CPA6: variants seen among roughly 807,000 people sequenced by gnomAD.
The protein encoded by CPA6 is carboxypeptidase B.
A neutral mutation model predicts 63.3 loss-of-function variants in CPA6; 58 were observed. The observed-to-expected ratio is 0.92, with a 90% CI of 0.74 to 1.14. The LOEUF (loss-of-function observed/expected upper bound fraction) is 1.14, where lower values mean the gene tolerates loss of function less well. Ranked by LOEUF, CPA6 falls within the 50% of genes most tolerant of loss-of-function variation. The probability of loss-of-function intolerance (pLI) is 0.00; values close to 1 mark genes in which losing one functional copy is unlikely to be tolerated. For missense variants in CPA6, 565 were observed against 526.6 expected (o/e 1.07, Z -0.71); for synonymous variants, 185 against 179.0 (o/e 1.03, Z -0.27).
chr8:67,650,483 G>A (rs1272950686), intron 1 of CPA6, among the ~76,000 whole-genome samples: 1 of 152,048 alleles, frequency 6.6e-6, no homozygotes, highest in Non-Finnish European at 1.5e-5. Flanking sequence ...CACTGTCAAG[G>A]AGGAGGAGGT....
At chr8:67,739,181 CCATA>C (rs1563415621) in intron 1 of CPA6, among the ~76,000 whole-genome samples, 1 of 152,114 alleles carries the variant, frequency 6.6e-6, no homozygotes, top group Non-Finnish European at 1.5e-5. Context: ...GTGCTGACCC[CCATA>C]CAGTCTGCCT....
At position 67,578,226 on chromosome 8, in the gene CPA6, G is replaced by A. The variant is rs577350076; in HGVS notation, c.192+45950C>T. 3.3e-5 allele frequency among the ~76,000 whole-genome samples: 5 copies of A among 152,262 alleles called. No individual in the cohort carries two copies. The East Asian group carries it at 9.6e-4, about 29-fold the overall frequency. ...ATTAAGCTGATGGCGGGTTTAGAAG[G>A]ACACCACTTTTCTGTTCTGCATTTC... is the stretch of plus-strand genomic sequence containing the variant. On this transcript the variant is annotated intron_variant, in intron 2 of 10. Transcript: ENST00000297770.
chr8:67,685,227 G>T (rs1816686442), intron 1 of CPA6, among the ~76,000 whole-genome samples: 1 of 152,162 alleles, frequency 6.6e-6, no homozygotes, highest in Admixed American at 6.5e-5. Flanking sequence ...AACTCTAAGA[G>T]AATTATTTTC....
In CPA6 at chr8:67,709,834, G is replaced by A. The variant is rs1011616250; in HGVS notation, c.116+36180C>T. Among the ~76,000 whole-genome samples, 8 of 152,290 alleles carry A rather than the reference G, an allele frequency of 5.3e-5. No individual in the cohort carries two copies. In the South Asian group the frequency reaches 6.2e-4, roughly 12 times the overall value. ...GGTGGATTAAAAGATTTTCTGGCTC[G>A]GTGTGGTGGCTCACGCCTGTAATCC... On this transcript the variant is annotated intron_variant, in intron 1 of 10. Transcript: ENST00000297770.
At chr8:67,654,252 G>T (rs1206638993) in intron 1 of CPA6, among the ~76,000 whole-genome samples, 1 of 152,184 alleles carries the variant, frequency 6.6e-6, no homozygotes, top group Non-Finnish European at 1.5e-5. Context: ...GATGATGCTG[G>T]CCTCATAAAA....
chr8:67,634,211 TTA>T (rs371782130), intron 1 of CPA6, among the ~76,000 whole-genome samples: 3 of 141,718 alleles, frequency 2.1e-5, no homozygotes, highest in African/African-American at 8.0e-5. Flanking sequence ...ATTATTATTA[TTA>T]TTATTATTTA....
chr8:67,575,767 A>G (rs1026275682), intron 2 of CPA6, among the ~76,000 whole-genome samples: 2 of 151,782 alleles, frequency 1.3e-5, no homozygotes, highest in South Asian at 4.2e-4. Context: ...CTGAGGCAGG[A>G]GAATTGCTTG....
intron 2 of CPA6, among the ~76,000 whole-genome samples, chr8:67,556,275 G>A (rs1031838981): frequency 6.6e-6 from 1 of 151,808 alleles, no homozygotes; most frequent in Non-Finnish European, 1.5e-5. Flanking sequence ...ACTGGTCTTG[G>A]GGCTGGAGTC....
rs567224229 is a variant in CPA6 at position 67,695,166 on chromosome 8, A to C, written c.116+50848T>G. 2.6e-5 allele frequency among the ~76,000 whole-genome samples: 4 copies of C among 152,278 alleles called. No homozygotes were observed. In the South Asian group the frequency reaches 8.3e-4, roughly 32 times the overall value. On this transcript the variant is annotated intron_variant, in intron 1 of 10. Transcript: ENST00000297770. ...ATCATCCATTCATTAGATGCCACTC[A>C]GTCTCTTTCCCTAGCCACTCCTATT...
chr8:67,492,789 A>C (rs976792626), intron 6 of CPA6, among the ~76,000 whole-genome samples: 5 of 152,212 alleles, frequency 3.3e-5, no homozygotes, highest in African/African-American at 1.2e-4. Context: ...GTAGCGGAGT[A>C]CAACTAATGC....
chr8:67,608,532 C>A (rs1814725828), intron 2 of CPA6, among the ~76,000 whole-genome samples: 1 of 152,202 alleles, frequency 6.6e-6, no homozygotes, highest in South Asian at 2.1e-4. Flanking sequence ...TCAATTCCTG[C>A]ATTCACCATC....
At chr8:67,740,083 T>A (rs2623837) in intron 1 of CPA6, among the ~76,000 whole-genome samples, 100,231 of 152,084 alleles carry the variant, frequency 0.66, 35,337 homozygotes, top group Non-Finnish European at 0.77. Context: ...ATGCAAACAT[T>A]GTGAAGAATA....
At chr8:67,732,732 G>A (rs1422275643) in intron 1 of CPA6, 1 of 152,402 alleles carries the variant, frequency 6.6e-6, no homozygotes, top group Non-Finnish European at 1.5e-5. Context: ...ATAGACAAAG[G>A]ACAGAGAACG....
At chr8:67,590,449 C>G (rs1814087236) in intron 2 of CPA6, among the ~76,000 whole-genome samples, 1 of 151,294 alleles carries the variant, frequency 6.6e-6, no homozygotes, top group Non-Finnish European at 1.5e-5. Context: ...GTTCTAGATC[C>G]CTGAGGAATC....
At chr8:67,563,304 A>G (rs1813258746) in intron 2 of CPA6, among the ~76,000 whole-genome samples, 1 of 152,214 alleles carries the variant, frequency 6.6e-6, no homozygotes, top group African/African-American at 2.4e-5. Flanking sequence ...GTTGCATTTG[A>G]CTGATGGTTC....
intron 1 of CPA6, among the ~76,000 whole-genome samples, chr8:67,712,298 G>C (rs570479565): frequency 6.6e-6 from 1 of 152,292 alleles, no homozygotes; most frequent in Non-Finnish European, 1.5e-5. Context: ...AGATCAATTT[G>C]TGGATATATG....
chr8:67,621,563 A>G (rs1815083500), intron 2 of CPA6, among the ~76,000 whole-genome samples: 1 of 152,218 alleles, frequency 6.6e-6, no homozygotes, highest in African/African-American at 2.4e-5. Context: ...GGCTTGGGCA[A>G]GTTACTTAAC....
In CPA6 at chr8:67,467,777, C is replaced by A. The variant is rs144412973; in HGVS notation, c.838+15991G>T. Among the ~76,000 whole-genome samples the A allele has an allele frequency of 1.0e-3, 157 of 150,664 alleles. 1 individual carries two copies. The highest frequency in any genetic ancestry group is 3.2e-3 in the African/African-American group (129 of 40,848). On this transcript the variant is annotated intron_variant, in intron 8 of 10. Transcript: ENST00000297770. ...CAGGACTTCTGGAGGCCGAGGGGGG[C>A]AAATCACTTGAGGTCAAGAATTCGA...
At chr8:67,543,976 T>C (rs1587542036) in intron 2 of CPA6, among the ~76,000 whole-genome samples, 1 of 152,062 alleles carries the variant, frequency 6.6e-6, no homozygotes, top group East Asian at 1.9e-4. Context: ...CTTGTAGAGA[T>C]AGAGTCTTTC....
Sources: gnomAD v4.1 joint callset for allele counts (sites outside exome capture counted in the v4.1 genomes callset) on GRCh38, gnomAD v4.1.1 for gene constraint, MANE v1.5 for transcripts, NCBI Gene and HGNC (gene_info 2026-07-23, HGNC 2026-07-21) for gene names.